The following FOXK2 variants were observed in gnomAD, a reference collection of about 807,000 sequenced individuals.
FOXK2 encodes the protein forkhead box K2, also known as forkhead box protein K2.
Under a neutral mutation model 53.3 loss-of-function variants are expected in FOXK2, and 24 were observed. That is an observed-to-expected ratio of 0.45 (90% CI 0.33 to 0.63). The LOEUF is 0.63. Among genes scored for constraint, FOXK2 ranks in the 30% least tolerant of loss-of-function variants. The pLI, the probability that FOXK2 is intolerant of heterozygous loss-of-function variation, is 0.03. For missense variants in FOXK2, 952 were observed against 910.5 expected (o/e 1.05, Z -0.59); for synonymous variants, 505 against 407.1 (o/e 1.24, Z -2.89).
intron 1 of FOXK2, among the ~76,000 whole-genome samples, chr17:82,554,205 A>G (rs958400443): frequency 1.3e-5 from 2 of 152,178 alleles, no homozygotes; most frequent in African/African-American, 4.8e-5. Flanking sequence ...TGCTTTGCAT[A>G]AAGAGACATC....
At chr17:82,529,823 C>G (rs2044456054) in intron 1 of FOXK2, among the ~76,000 whole-genome samples, 1 of 152,206 alleles carries the variant, frequency 6.6e-6, no homozygotes. Flanking sequence ...TAAGAAGATA[C>G]AACTAGGTCC....
At chr17:82,588,032 C>T (rs1460392386) in intron 8 of FOXK2, among the ~76,000 whole-genome samples, 1 of 152,290 alleles carries the variant, frequency 6.6e-6, no homozygotes, top group Non-Finnish European at 1.5e-5. Flanking sequence ...AAGGCTTTAT[C>T]ACGACGTTTG....
Position 82,520,211 on chromosome 17 carries a change from G to A in FOXK2, c.323G>A (p.Gly108Asp), listed in dbSNP as rs754869277. Reference sequence around the variant, plus strand: ...CCCGCGCAGCCCAGGCCCGACGCCGGCGGCGACTTCTACCTGCGCTGCTTG... The same window carrying A: ...CCCGCGCAGCCCAGGCCCGACGCCGACGGCGACTTCTACCTGCGCTGCTTG... Reference protein sequence around the residue: ...LPPAQPRPDAGGDFYLRCLGK... With the variant: ...LPPAQPRPDADGDFYLRCLGK... The change falls in exon 1 of 9, where the codon GGC becomes GAC. Residue 108 changes from glycine to aspartate, a missense_variant. Physicochemically the swap from Gly to Asp is moderately conservative, Grantham distance 94 (BLOSUM62 -1). Coordinates refer to ENST00000335255, the MANE Select transcript of FOXK2 (RefSeq NM_004514.4). 26 of 1,327,826 alleles carry A rather than the reference G, an allele frequency of 2.0e-5. No individual in the cohort carries two copies. The highest frequency in any genetic ancestry group is 1.6e-5 in the Non-Finnish European group (17 of 1,040,400). The allele number at this position is 1,327,826 out of a possible 1,614,324, so 82.3% of individuals were successfully genotyped here.
intron 8 of FOXK2, among the ~76,000 whole-genome samples, chr17:82,594,315 G>A (rs1003128643): frequency 1.3e-5 from 2 of 152,106 alleles, no homozygotes; most frequent in African/African-American, 4.8e-5. Flanking sequence ...TGGCTAACAC[G>A]GTGAAACCCT....
intron 1 of FOXK2, among the ~76,000 whole-genome samples, chr17:82,557,206 A>G (rs2044737356): frequency 7.0e-6 from 1 of 143,626 alleles, no homozygotes; most frequent in African/African-American, 2.6e-5. Context: ...CTAATTTTGT[A>G]TTTTTAATAG....
chr17:82,557,750 G>A (rs1407045161), intron 1 of FOXK2, among the ~76,000 whole-genome samples: 1 of 152,220 alleles, frequency 6.6e-6, no homozygotes, highest in Admixed American at 6.5e-5. Flanking sequence ...CCAGGGTCAA[G>A]CAATCCTCCT....
chr17:82,557,974 C>A (rs1429828601), intron 1 of FOXK2, among the ~76,000 whole-genome samples: 1 of 152,178 alleles, frequency 6.6e-6, no homozygotes, highest in Non-Finnish European at 1.5e-5. Context: ...TTTAAATGCC[C>A]TGTGCTCCTG....
At chr17:82,597,969 C>T (rs935733838) in intron 8 of FOXK2, among the ~76,000 whole-genome samples, 6 of 152,160 alleles carry the variant, frequency 3.9e-5, no homozygotes, top group Non-Finnish European at 8.8e-5. Flanking sequence ...CTTTTCACTC[C>T]AGGCCTCTCA....
intron 6 of FOXK2, 122 bp from the exon 7 acceptor site, chr17:82,585,782 A>G: frequency 4.2e-6 from 4 of 944,424 alleles, no homozygotes; most frequent in Non-Finnish European, 6.3e-6. Context: ...GTGAGGTGAA[A>G]TAGGGCCATA....
chr17:82,540,439 G>T (rs982127857), intron 1 of FOXK2, among the ~76,000 whole-genome samples: 1 of 152,112 alleles, frequency 6.6e-6, no homozygotes, highest in South Asian at 2.1e-4. Context: ...CCTTCTGCAC[G>T]TAATCTGTTT....
intron 1 of FOXK2, among the ~76,000 whole-genome samples, chr17:82,534,435 T>C (rs1271378746): frequency 6.6e-6 from 1 of 152,188 alleles, no homozygotes; most frequent in East Asian, 1.9e-4. Context: ...AGTTGGTGGC[T>C]TGTTGTTCCC....
intron 8 of FOXK2, among the ~76,000 whole-genome samples, chr17:82,590,275 G>A (rs2045239774): frequency 6.6e-6 from 1 of 152,154 alleles, no homozygotes; most frequent in Admixed American, 6.6e-5. Context: ...TGAACACCTA[G>A]GATGAGAACC....
Position 82,520,061 on chromosome 17 carries a change from GC to G in FOXK2, c.174del (p.Asn59ThrfsTer9), listed in dbSNP as rs775628886. 1 of 1,540,532 alleles carries G rather than the reference GC, an allele frequency of 6.5e-7. No individual in the cohort carries two copies. ...AAGAAGCGCTCGGTGACCATCGGCC[GC>G]AACTCGTCGCAGGGCTCGGTGGACG... ...LMKKRSVTIG[R>X]NSSQGSVDVS... On this transcript the variant is annotated frameshift_variant, in exon 1 of 9. Transcript: ENST00000335255. LOFTEE classifies it high-confidence loss of function.
At chr17:82,589,741 C>T (rs749335250) in intron 8 of FOXK2, among the ~76,000 whole-genome samples, 2 of 152,192 alleles carry the variant, frequency 1.3e-5, no homozygotes, top group East Asian at 1.9e-4. Context: ...TCCAGATGAA[C>T]GTGAAAGTCT....
rs1317601846 is a variant in FOXK2, at chr17:82,604,474, A to AAGTG, written c.*2977_*2980dup. On this transcript the variant is annotated 3_prime_UTR_variant, in exon 9 of 9. Transcript: ENST00000335255. ...TCTGTGCTGTGTGACACAAGGAGATAAGTGACAATCTTGAAGTCCTAACTT... is the reference window on the plus strand; with the variant it reads ...TCTGTGCTGTGTGACACAAGGAGATAAGTGAGTGACAATCTTGAAGTCCTAACTT... 1 of 152,644 alleles carries AAGTG rather than the reference A, an allele frequency of 6.6e-6. No individual in the cohort carries two copies. The highest frequency in any genetic ancestry group is 6.5e-5 in the Admixed American group (1 of 15,274). The allele number at this position is 152,644 out of a possible 1,614,324, so 9.5% of individuals were successfully genotyped here. A position where few individuals can be genotyped will look rare whatever the true frequency, so the allele number is the denominator to read the frequency against.
chr17:82,569,753 C>A (rs2044892844), intron 3 of FOXK2, among the ~76,000 whole-genome samples: 1 of 152,162 alleles, frequency 6.6e-6, no homozygotes, highest in Non-Finnish European at 1.5e-5. Context: ...CACCTGTAGT[C>A]ACAGCTGCTC....
rs372058793 is a variant in FOXK2, at chr17:82,562,568, G to GAAAC, written c.420-785_420-782dup. Among the ~76,000 whole-genome samples the GAAAC allele has an allele frequency of 1.3e-4, 19 of 149,366 alleles. 1 individual carries two copies. Among genetic ancestry groups the GAAAC allele is most frequent in the Middle Eastern group, 3.4e-3 (1 of 294 alleles). On this transcript the variant is annotated intron_variant, in intron 1 of 8. Transcript: ENST00000335255. ...GCACTCCATTCTGGGCGACAAGAAC[G>GAAAC]AAACTCTGTTTCTAAAAAAAAAAAG...
In FOXK2 at chr17:82,572,090, GCC is replaced by G. The variant is rs530012309; in HGVS notation, c.909+221_909+222del. The G allele has an allele frequency of 1.4e-3, 592 of 429,014 alleles. 2 individuals are homozygous for G. Among genetic ancestry groups the G allele is most frequent in the African/African-American group, 0.011 (539 of 48,976 alleles). 26.6% of individuals were successfully genotyped at this position (429,014 alleles called of 1,614,324 possible). A position where few individuals can be genotyped will look rare whatever the true frequency, so the allele number is the denominator to read the frequency against. ...AGCGTGGTTCTGGAGGAGCGTCTAGGCCTGCATGCTTTACTGTTGTGGAAATT... is the reference window on the plus strand; with the variant it reads ...AGCGTGGTTCTGGAGGAGCGTCTAGGTGCATGCTTTACTGTTGTGGAAATT... On this transcript the variant is annotated intron_variant, in intron 4 of 8. Coordinates refer to ENST00000335255, the MANE Select transcript of FOXK2 (RefSeq NM_004514.4).
At chr17:82,523,613 C>T (rs1488555516) in intron 1 of FOXK2, among the ~76,000 whole-genome samples, 1 of 151,626 alleles carries the variant, frequency 6.6e-6, no homozygotes, top group African/African-American at 2.4e-5. Context: ...CCTGGGATTA[C>T]AGGTGTGCAC....
Sources: allele counts gnomAD v4.1 joint callset (sites outside exome capture counted in the v4.1 genomes callset), GRCh38; gene constraint gnomAD v4.1.1; transcripts MANE v1.5; gene names NCBI Gene and HGNC (gene_info 2026-07-23, HGNC 2026-07-21).